BMP6: variants seen among roughly 807,000 people sequenced by gnomAD.
BMP6 encodes bone morphogenetic protein 6.
BMP6 carries 17 observed loss-of-function variants against 54.1 expected under a neutral mutation model. The observed-to-expected ratio is 0.31, with a 90% CI of 0.22 to 0.47. The LOEUF is 0.47. Among genes scored for constraint, BMP6 ranks in the 20% least tolerant of loss-of-function variants. The pLI is 1.00. For missense variants in BMP6, 720 were observed against 690.4 expected (o/e 1.04, Z -0.48); for synonymous variants, 328 against 291.2 (o/e 1.13, Z -1.28).
intron 1 of BMP6, among the ~76,000 whole-genome samples, chr6:7,749,719 C>G (rs935725239): frequency 1.3e-5 from 2 of 152,094 alleles, no homozygotes; most frequent in African/African-American, 4.8e-5. Flanking sequence ...GACGGGACAC[C>G]GTGACATTGC....
At position 7,849,475 on chromosome 6, in the gene BMP6, C is replaced by T. The variant is rs528821901; in HGVS notation, c.857+4143C>T. Among the ~76,000 whole-genome samples, 4 of 152,294 alleles carry T rather than the reference C, an allele frequency of 2.6e-5. No individual in the cohort carries two copies. The East Asian group carries it at 7.7e-4, about 29-fold the overall frequency. On this transcript the variant is annotated intron_variant, in intron 2 of 6. Transcript: ENST00000283147. The stretch of plus-strand genomic sequence containing the variant: ...GCTGACTTCACACCGGGAGTATAGA[C>T]TGCTCTGAATGACTTCTGACCTTTC...
At chr6:7,841,446 T>G (rs1758967178) in intron 1 of BMP6, among the ~76,000 whole-genome samples, 3 of 152,244 alleles carry the variant, frequency 2.0e-5, no homozygotes, top group African/African-American at 7.2e-5. Context: ...ACATTACTGT[T>G]TTACCATTGT....
intron 2 of BMP6, among the ~76,000 whole-genome samples, chr6:7,849,126 C>T (rs1167052792): frequency 6.6e-6 from 1 of 152,186 alleles, no homozygotes; most frequent in Non-Finnish European, 1.5e-5. Context: ...AAGCAACCTC[C>T]TTATGACACA....
intron 1 of BMP6, among the ~76,000 whole-genome samples, chr6:7,769,048 G>A (rs1757742429): frequency 6.6e-6 from 1 of 152,176 alleles, no homozygotes; most frequent in Admixed American, 6.5e-5. Flanking sequence ...AGGAGTATAC[G>A]CTTCTCCCCA....
intron 4 of BMP6, among the ~76,000 whole-genome samples, chr6:7,874,156 T>A (rs2113292111): frequency 6.6e-6 from 1 of 151,844 alleles, no homozygotes; most frequent in Admixed American, 6.6e-5. Context: ...GGGCAGGTGG[T>A]TAGGAGGGCC....
chr6:7,788,166 G>T (rs895948336), intron 1 of BMP6, among the ~76,000 whole-genome samples: 3 of 152,198 alleles, frequency 2.0e-5, no homozygotes, highest in African/African-American at 7.2e-5. Context: ...GGAAGAAGAT[G>T]GAGTCCTTGG....
intron 1 of BMP6, among the ~76,000 whole-genome samples, chr6:7,740,795 C>A (rs1459229064): frequency 6.6e-6 from 1 of 152,212 alleles, no homozygotes. Context: ...CTTTTGAAAT[C>A]TCTTACTCCC....
chr6:7,834,633 G>C (rs1034773570), intron 1 of BMP6, among the ~76,000 whole-genome samples: 9 of 151,724 alleles, frequency 5.9e-5, no homozygotes, highest in African/African-American at 2.2e-4. Flanking sequence ...TTGAGCCCAG[G>C]AGTTCGAGAC....
At chr6:7,865,923 GA>G (rs1319742107) in intron 4 of BMP6, among the ~76,000 whole-genome samples, 1 of 152,230 alleles carries the variant, frequency 6.6e-6, no homozygotes, top group African/African-American at 2.4e-5. Context: ...TCATCAGGGT[GA>G]AACGTGGCAA....
At chr6:7,749,591 G>A (rs774944344) in intron 1 of BMP6, among the ~76,000 whole-genome samples, 19 of 152,150 alleles carry the variant, frequency 1.2e-4, no homozygotes, top group Non-Finnish European at 2.4e-4. Flanking sequence ...CTATCTCTAT[G>A]GTCATGCCTT....
chr6:7,857,294 A>T (rs1057259243), intron 2 of BMP6, among the ~76,000 whole-genome samples: 12 of 152,216 alleles, frequency 7.9e-5, no homozygotes, highest in Non-Finnish European at 1.8e-4. Context: ...TAAGAACCTC[A>T]TTTGCCCAGG....
chr6:7,811,499 C>G (rs1758435425), intron 1 of BMP6, among the ~76,000 whole-genome samples: 1 of 152,136 alleles, frequency 6.6e-6, no homozygotes, highest in Non-Finnish European at 1.5e-5. Context: ...CCAGTTCGGG[C>G]AAATGTATGT....
At chr6:7,785,059 G>A (rs1301605608) in intron 1 of BMP6, among the ~76,000 whole-genome samples, 7 of 152,226 alleles carry the variant, frequency 4.6e-5, no homozygotes, top group Non-Finnish European at 1.0e-4. Context: ...TGATCTCCCA[G>A]CCCCAAGCAC....
rs539868107 is a variant in BMP6, at chr6:7,808,002, T to C, written c.665-37138T>C. 6.0e-4 allele frequency among the ~76,000 whole-genome samples: 84 copies of C among 139,864 alleles called. 1 individual carries two copies. The highest frequency in any genetic ancestry group is 1.1e-3 in the Non-Finnish European group (74 of 65,186). 91.8% of individuals were successfully genotyped at this position (139,864 alleles called of 152,430 possible). A position where few individuals can be genotyped will look rare whatever the true frequency, so the allele number is the denominator to read the frequency against. On this transcript the variant is annotated intron_variant, in intron 1 of 6. Transcript: ENST00000283147. ...GTGGCACGATCTCAGCTCACTGCAA[T>C]CTCCACTTCGCGGGTTCACGCCATT...
At chr6:7,787,474 A>G (rs1034131651) in intron 1 of BMP6, among the ~76,000 whole-genome samples, 5 of 152,156 alleles carry the variant, frequency 3.3e-5, no homozygotes, top group African/African-American at 1.2e-4. Flanking sequence ...TTTCCCATTC[A>G]TGTACTTTTT....
intron 1 of BMP6, among the ~76,000 whole-genome samples, chr6:7,737,496 AC>A (rs879589555): frequency 0.013 from 1,934 of 152,228 alleles, 36 homozygotes; most frequent in African/African-American, 0.037. Context: ...GCCTTCTAAC[AC>A]CAACTCTTGA....
At chr6:7,844,223 C>T (rs1378019884) in intron 1 of BMP6, among the ~76,000 whole-genome samples, 1 of 152,170 alleles carries the variant, frequency 6.6e-6, no homozygotes, top group African/African-American at 2.4e-5. Context: ...GAAGCTCTCC[C>T]TTTTTTAAGA....
intron 1 of BMP6, among the ~76,000 whole-genome samples, chr6:7,746,268 G>T (rs1010643818): frequency 1.3e-5 from 2 of 152,150 alleles, no homozygotes; most frequent in African/African-American, 4.8e-5. Context: ...GAGGGATAAT[G>T]AAGCCAGTCT....
At chr6:7,864,688 C>A (rs1759391293) in intron 4 of BMP6, among the ~76,000 whole-genome samples, 1 of 152,132 alleles carries the variant, frequency 6.6e-6, no homozygotes, top group Admixed American at 6.5e-5. Flanking sequence ...CTTGAGGATC[C>A]ACCGCCCAGC....
Sources: allele counts gnomAD v4.1 joint callset (sites outside exome capture counted in the v4.1 genomes callset), GRCh38; gene constraint gnomAD v4.1.1; transcripts MANE v1.5; gene names NCBI Gene and HGNC (gene_info 2026-07-23, HGNC 2026-07-21).